KIAA1217: variants seen among roughly 807,000 people sequenced by gnomAD.
The protein encoded by KIAA1217 is sickle tail protein homolog.
KIAA1217 carries 88 observed loss-of-function variants against 163.9 expected under a neutral mutation model. The ratio of observed to expected loss-of-function variants is 0.54; its 90% CI spans 0.45 to 0.64. The LOEUF is 0.64. KIAA1217 is among the 30% of genes least tolerant of loss of function. KIAA1217 has a pLI of 0.00. For synonymous variants in KIAA1217, 903 were observed against 923.1 expected (o/e 0.98, Z 0.39); for missense variants, 2,372 against 2,475.0 (o/e 0.96, Z 0.88).
chr10:24,041,601 G>A (rs1217657486), intron 2 of KIAA1217, among the ~76,000 whole-genome samples: 2 of 151,862 alleles, frequency 1.3e-5, no homozygotes, highest in South Asian at 2.1e-4. Flanking sequence ...TCAGTTAGTC[G>A]GTACCCTATG....
chr10:23,774,512 G>T (rs1834928499), intron 1 of KIAA1217, among the ~76,000 whole-genome samples: 1 of 152,158 alleles, frequency 6.6e-6, no homozygotes, highest in Non-Finnish European at 1.5e-5. Context: ...GATGACCTGG[G>T]GCCCACTGCC....
chr10:23,749,132 T>A (rs532166732), intron 1 of KIAA1217, among the ~76,000 whole-genome samples: 1 of 151,368 alleles, frequency 6.6e-6, no homozygotes, highest in African/African-American at 2.5e-5. Flanking sequence ...CCTCACCACG[T>A]AGACACATCC....
chr10:24,311,416 G>T (rs916478892), intron 2 of KIAA1217, among the ~76,000 whole-genome samples: 1 of 152,220 alleles, frequency 6.6e-6, no homozygotes, highest in Non-Finnish European at 1.5e-5. Flanking sequence ...GAGTCAAGTA[G>T]TAAGTATTGG....
At chr10:23,711,238 G>A (rs1837234561) in intron 1 of KIAA1217, among the ~76,000 whole-genome samples, 1 of 152,174 alleles carries the variant, frequency 6.6e-6, no homozygotes, top group South Asian at 2.1e-4. Flanking sequence ...CCTAAAAGCT[G>A]TGGCTATTTT....
chr10:24,352,570 T>G (rs1461434071), intron 2 of KIAA1217, among the ~76,000 whole-genome samples: 1 of 152,204 alleles, frequency 6.6e-6, no homozygotes, highest in Non-Finnish European at 1.5e-5. Flanking sequence ...TGCTCTGGAT[T>G]TTAGAACAAT....
intron 1 of KIAA1217, among the ~76,000 whole-genome samples, chr10:23,986,787 G>A (rs1306993314): frequency 6.6e-6 from 1 of 152,156 alleles, no homozygotes; most frequent in South Asian, 2.1e-4. Context: ...GCCTACACAC[G>A]TTGTGCAGTG....
intron 2 of KIAA1217, among the ~76,000 whole-genome samples, chr10:24,025,789 G>T (rs895642590): frequency 6.6e-6 from 1 of 151,452 alleles, no homozygotes; most frequent in Non-Finnish European, 1.5e-5. Flanking sequence ...TGGTAATTTT[G>T]AATTTTAGTT....
At chr10:23,865,135 C>A (rs895701703) in intron 1 of KIAA1217, among the ~76,000 whole-genome samples, 1 of 152,116 alleles carries the variant, frequency 6.6e-6, no homozygotes, top group African/African-American at 2.4e-5. Context: ...TTGCTTTTTT[C>A]TCACCAACAA....
chr10:24,504,005 G>A lies in KIAA1217; in HGVS notation c.2001+2460G>A, dbSNP rs118079257. Among the ~76,000 whole-genome samples the A allele has an allele frequency of 6.8e-3, 1,041 of 152,304 alleles. 9 individuals are homozygous for A. The highest frequency in any genetic ancestry group is 0.02 in the Middle Eastern group (6 of 294). The stretch of plus-strand genomic sequence containing the variant: ...CACTTCCCCTGGGAATTTCACAGGC[G>A]TTAGAGGTGAATTTGATACCAAGGC... On this transcript the variant is annotated intron_variant, in intron 9 of 20. Coordinates refer to ENST00000376454, the MANE Select transcript of KIAA1217 (RefSeq NM_019590.5).
At chr10:23,809,479 A>T (rs547529918) in intron 1 of KIAA1217, among the ~76,000 whole-genome samples, 1 of 152,186 alleles carries the variant, frequency 6.6e-6, no homozygotes, top group African/African-American at 2.4e-5. Flanking sequence ...AAGGAAAGTG[A>T]TTAATTCAAT....
chr10:24,073,689 T>C (rs1046854589), intron 2 of KIAA1217, among the ~76,000 whole-genome samples: 1 of 152,124 alleles, frequency 6.6e-6, no homozygotes, highest in African/African-American at 2.4e-5. Context: ...TCTATTCCAA[T>C]AGGAATGTGC....
intron 3 of KIAA1217, among the ~76,000 whole-genome samples, chr10:24,421,445 T>C (rs959787907): frequency 1.3e-5 from 2 of 152,248 alleles, no homozygotes; most frequent in African/African-American, 4.8e-5. Context: ...CCTTACATTA[T>C]TATATTGTCT....
rs2069320473 is a variant in KIAA1217, at chr10:24,219,679, A to G, written c.124A>G (p.Arg42Gly). The G allele has an allele frequency of 6.2e-7, 1 of 1,613,660 alleles. No homozygotes were observed. The highest frequency in any genetic ancestry group is 2.2e-5 in the East Asian group (1 of 44,868). Reference sequence around the variant, plus strand: ...ATCACCAGAAGATGCAGAATGCCGCAGAACCAAGGAACGCCTTTCTAATGG... The same window carrying G: ...ATCACCAGAAGATGCAGAATGCCGCGGAACCAAGGAACGCCTTTCTAATGG... ...VTSPEDAECR[R>G]TKERLSNGNS... The change falls in exon 2 of 21, where the codon AGA becomes GGA. Residue 42 changes from arginine (R) to glycine (G), a missense_variant. Transcript: ENST00000376454.
chr10:24,095,530 A>G (rs548718470), intron 2 of KIAA1217, among the ~76,000 whole-genome samples: 2 of 151,910 alleles, frequency 1.3e-5, no homozygotes, highest in South Asian at 4.2e-4. Flanking sequence ...CCTTCCTCCC[A>G]CTGCATTGGC....
Position 23,924,964 on chromosome 10 carries a change from A to AT in KIAA1217, c.-320-82260dup, listed in dbSNP as rs397821314. 3.9e-5 allele frequency among the ~76,000 whole-genome samples: 6 copies of AT among 151,958 alleles called. No homozygotes were observed. The East Asian group carries it at 5.8e-4, about 15-fold the overall frequency. On this transcript the variant is annotated intron_variant, in intron 1 of 18. Coordinates refer to the KIAA1217 transcript ENST00000376462. Reference sequence around the variant, plus strand: ...TTACTTAGAGAAAACTTAAAAAAAAATCCAGTAGCCAAAATAGCATTATTT... The same window carrying AT: ...TTACTTAGAGAAAACTTAAAAAAAAATTCCAGTAGCCAAAATAGCATTATTT...
chr10:24,397,004 G>A (rs1251721788), intron 3 of KIAA1217, among the ~76,000 whole-genome samples: 1 of 152,106 alleles, frequency 6.6e-6, no homozygotes, highest in Non-Finnish European at 1.5e-5. Context: ...GAGTGAGCAG[G>A]GAAAAGAATC....
At chr10:24,462,241 G>T (rs2062483388) in intron 5 of KIAA1217, among the ~76,000 whole-genome samples, 1 of 151,972 alleles carries the variant, frequency 6.6e-6, no homozygotes, top group Admixed American at 6.6e-5. Flanking sequence ...GAGGCAAGTA[G>T]ATAAAACCTA....
intron 5 of KIAA1217, among the ~76,000 whole-genome samples, chr10:24,438,821 A>C (rs1302389821): frequency 6.6e-6 from 1 of 152,192 alleles, no homozygotes; most frequent in African/African-American, 2.4e-5. Flanking sequence ...TCTCCAATTA[A>C]AGCAAACCTA....
At chr10:23,702,543 C>G (rs1836529785) in intron 1 of KIAA1217, among the ~76,000 whole-genome samples, 1 of 151,906 alleles carries the variant, frequency 6.6e-6, no homozygotes, top group Non-Finnish European at 1.5e-5. Flanking sequence ...GAAAATGAGT[C>G]TTAATTTGTA....
Sources: allele counts gnomAD v4.1 joint callset (sites outside exome capture counted in the v4.1 genomes callset), GRCh38; gene constraint gnomAD v4.1.1; transcripts MANE v1.5; gene names NCBI Gene and HGNC (gene_info 2026-07-23, HGNC 2026-07-21).